LUZP2: variants seen among roughly 807,000 people sequenced by gnomAD.
The protein encoded by LUZP2 is leucine zipper protein 2.
Under a neutral mutation model 51.6 loss-of-function variants are expected in LUZP2, and 52 were observed. The observed-to-expected ratio is 1.01, with a 90% CI of 0.81 to 1.27. The LOEUF (loss-of-function observed/expected upper bound fraction) is 1.27, where lower values mean the gene tolerates loss of function less well. Among genes scored for constraint, LUZP2 ranks in the 50% most tolerant of loss-of-function variants. LUZP2 has a pLI of 0.00. For missense variants in LUZP2, 436 were observed against 395.4 expected (o/e 1.10, Z -0.87); for synonymous variants, 154 against 137.3 (o/e 1.12, Z -0.85).
chr11:24,606,671 A>G (rs1325045249), intron 1 of LUZP2, among the ~76,000 whole-genome samples: 1 of 152,070 alleles, frequency 6.6e-6, no homozygotes, highest in Non-Finnish European at 1.5e-5. Context: ...TATGCCCAGA[A>G]GTAGAGATGC....
At chr11:25,052,425 T>A (rs1858544115) in intron 10 of LUZP2, among the ~76,000 whole-genome samples, 1 of 152,166 alleles carries the variant, frequency 6.6e-6, no homozygotes, top group African/African-American at 2.4e-5. Context: ...ATTAGTTGTG[T>A]TAATTTTTTG....
chr11:24,554,857 G>T (rs1310590720), intron 1 of LUZP2, among the ~76,000 whole-genome samples: 1 of 152,040 alleles, frequency 6.6e-6, no homozygotes, highest in Non-Finnish European at 1.5e-5. Context: ...AGAAAATTGG[G>T]AAGATGCAAC....
At chr11:24,640,444 G>T (rs1855240345) in intron 1 of LUZP2, among the ~76,000 whole-genome samples, 1 of 151,924 alleles carries the variant, frequency 6.6e-6, no homozygotes, top group African/African-American at 2.4e-5. Context: ...ATGCGGTTGT[G>T]CATCTGACAA....
At chr11:24,610,696 A>G (rs1454645377) in intron 1 of LUZP2, among the ~76,000 whole-genome samples, 3 of 152,220 alleles carry the variant, frequency 2.0e-5, no homozygotes, top group Admixed American at 2.0e-4. Context: ...CTATAATCCC[A>G]GCACTTTGGG....
intron 5 of LUZP2, among the ~76,000 whole-genome samples, chr11:24,854,488 C>T (rs945747285): frequency 6.6e-6 from 1 of 152,124 alleles, no homozygotes; most frequent in African/African-American, 2.4e-5. Flanking sequence ...TTGAGCATAC[C>T]AGGTTGTCTT....
intron 7 of LUZP2, among the ~76,000 whole-genome samples, chr11:24,928,559 C>CTGT (rs1854347571): frequency 1.3e-5 from 2 of 151,896 alleles, no homozygotes; most frequent in Non-Finnish European, 2.9e-5. Context: ...TAAACCATCC[C>CTGT]TGCATCCCTG....
intron 1 of LUZP2, among the ~76,000 whole-genome samples, chr11:24,574,174 TTTCTTTCTTTTC>T (rs1386216921): frequency 2.7e-5 from 4 of 149,956 alleles, no homozygotes; most frequent in African/African-American, 9.8e-5. Flanking sequence ...ATTTTCTTTC[TTTCTTTCTTTTC>T]TTTCTTTCTT....
intron 1 of LUZP2, among the ~76,000 whole-genome samples, chr11:24,577,101 A>C (rs1401247502): frequency 1.3e-5 from 2 of 151,956 alleles, no homozygotes; most frequent in East Asian, 3.9e-4. Context: ...TCTTGAAATC[A>C]TTAACAATTT....
intron 9 of LUZP2, among the ~76,000 whole-genome samples, chr11:25,009,585 T>A (rs906058733): frequency 6.6e-6 from 1 of 152,138 alleles, no homozygotes; most frequent in Non-Finnish European, 1.5e-5. Context: ...TAAGAAGGGA[T>A]CACCATGTCA....
At chr11:24,843,735 G>A (rs1389052549) in intron 5 of LUZP2, among the ~76,000 whole-genome samples, 2 of 152,124 alleles carry the variant, frequency 1.3e-5, no homozygotes, top group Non-Finnish European at 2.9e-5. Context: ...GGAGGTGCCT[G>A]GTGAGAGGTG....
chr11:24,927,834 G>A (rs1180941300), intron 7 of LUZP2, among the ~76,000 whole-genome samples: 1 of 151,946 alleles, frequency 6.6e-6, no homozygotes, highest in Non-Finnish European at 1.5e-5. Flanking sequence ...TGGTGGTATG[G>A]TCATTATCAC....
chr11:25,025,032 A>G (rs1857446972), intron 9 of LUZP2, among the ~76,000 whole-genome samples: 1 of 152,214 alleles, frequency 6.6e-6, no homozygotes, highest in African/African-American at 2.4e-5. Context: ...CCTGAGAAAA[A>G]CAAGCAATGG....
At chr11:24,762,908 CT>C (rs1237691407) in intron 4 of LUZP2, 1 of 790,506 alleles carries the variant, frequency 1.3e-6, no homozygotes, top group Non-Finnish European at 1.5e-6. Context: ...CTAGGTTCAA[CT>C]CTAGAATCTA....
At chr11:24,514,327 A>T (rs1850399466) in intron 1 of LUZP2, among the ~76,000 whole-genome samples, 1 of 152,232 alleles carries the variant, frequency 6.6e-6, no homozygotes, top group African/African-American at 2.4e-5. Flanking sequence ...TCCATGGTGA[A>T]ACTGAGAGCA....
chr11:24,664,251 T>C (rs578092364), intron 1 of LUZP2, among the ~76,000 whole-genome samples: 39 of 152,256 alleles, frequency 2.6e-4, no homozygotes, highest in African/African-American at 8.7e-4. Flanking sequence ...GCAAAGAGAC[T>C]GGCAGCACTT....
At chr11:24,912,589 G>A (rs1289170603) in intron 6 of LUZP2, among the ~76,000 whole-genome samples, 1 of 152,056 alleles carries the variant, frequency 6.6e-6, no homozygotes, top group East Asian at 1.9e-4. Flanking sequence ...TGGGCAGATT[G>A]CCTGAGCTCA....
At chr11:25,042,495 C>G (rs1858100274) in intron 9 of LUZP2, among the ~76,000 whole-genome samples, 1 of 152,068 alleles carries the variant, frequency 6.6e-6, no homozygotes, top group Non-Finnish European at 1.5e-5. Context: ...TAATCAAGAG[C>G]TAGGAAAATG....
At chr11:24,740,338 C>T (rs770629743) in intron 4 of LUZP2, among the ~76,000 whole-genome samples, 18 of 152,062 alleles carry the variant, frequency 1.2e-4, no homozygotes, top group Non-Finnish European at 1.9e-4. Context: ...TTAGAATATC[C>T]AAGTATGACA....
intron 9 of LUZP2, among the ~76,000 whole-genome samples, chr11:25,020,740 T>C (rs1302591336): frequency 6.6e-6 from 1 of 152,010 alleles, no homozygotes. Flanking sequence ...TTACATTTCT[T>C]TAACAAATTA....
Sources: allele counts gnomAD v4.1 joint callset (sites outside exome capture counted in the v4.1 genomes callset), GRCh38; gene constraint gnomAD v4.1.1; transcripts MANE v1.5; gene names NCBI Gene and HGNC (gene_info 2026-07-23, HGNC 2026-07-21).